Variants in ULK4 observed in about 807,000 individuals in gnomAD.
ULK4 encodes inactive serine/threonine-protein kinase ULK4.
In ULK4, 133 loss-of-function variants were observed where a neutral mutation model predicts 160.6. The ratio of observed to expected loss-of-function variants is 0.83; its 90% CI spans 0.72 to 0.96. The LOEUF (loss-of-function observed/expected upper bound fraction) is 0.96. ULK4 is among the 40% of genes least tolerant of loss of function. ULK4 has a pLI of 0.00. For synonymous variants in ULK4, 534 were observed against 539.8 expected, an observed-to-expected ratio of 0.99 and a Z score of 0.15; for missense variants, 1,580 against 1,499.5, an observed-to-expected ratio of 1.05 and a Z score of -0.89.
chr3:41,864,915 A>C (rs1008504063), intron 17 of ULK4, among the ~76,000 whole-genome samples: 1 of 151,936 alleles, frequency 6.6e-6, no homozygotes, highest in East Asian at 1.9e-4. Context: ...GATTCCCCCC[A>C]GGATTAATCT....
chr3:41,366,076 A>G (rs1392830827), intron 35 of ULK4, among the ~76,000 whole-genome samples: 1 of 152,200 alleles, frequency 6.6e-6, no homozygotes, highest in Non-Finnish European at 1.5e-5. Flanking sequence ...AAACCAGGCT[A>G]ATAATGGCAC....
intron 31 of ULK4, among the ~76,000 whole-genome samples, chr3:41,609,644 C>CAGGA (rs1340821388): frequency 2.6e-5 from 4 of 152,156 alleles, no homozygotes; most frequent in African/African-American, 9.7e-5. Context: ...TTAAAAGTAT[C>CAGGA]TTCCTAAGTC....
intron 18 of ULK4, among the ~76,000 whole-genome samples, chr3:41,830,979 T>A (rs773914822): frequency 7.9e-5 from 12 of 152,030 alleles, no homozygotes; most frequent in Middle Eastern, 3.4e-3. Context: ...TGGCACATAA[T>A]GTACATCGCA....
chr3:41,549,855 G>GA (rs1427140108), intron 32 of ULK4, among the ~76,000 whole-genome samples: 1 of 152,052 alleles, frequency 6.6e-6, no homozygotes, highest in African/African-American at 2.4e-5. Context: ...TCTCTCAGCA[G>GA]AAAGTCTAGA....
At chr3:41,777,268 A>G in intron 21 of ULK4, among the ~76,000 whole-genome samples, 1 of 93,088 alleles carries the variant, frequency 1.1e-5, no homozygotes, top group Non-Finnish European at 1.9e-5. Context: ...TGGTGGTGAT[A>G]TCCCCTTTAT....
At chr3:41,956,308 C>T (rs1340984458) in intron 1 of ULK4, among the ~76,000 whole-genome samples, 1 of 152,130 alleles carries the variant, frequency 6.6e-6, no homozygotes, top group East Asian at 1.9e-4. Flanking sequence ...CGTGAAGAGG[C>T]CAGTGGGAAA....
chr3:41,248,946 G>A (rs1052758241), intron 36 of ULK4, among the ~76,000 whole-genome samples: 4 of 152,242 alleles, frequency 2.6e-5, no homozygotes, highest in African/African-American at 9.6e-5. Context: ...CTAACCCCAT[G>A]CTGTCAGCTT....
intron 34 of ULK4, among the ~76,000 whole-genome samples, chr3:41,410,369 G>A (rs1472562145): frequency 6.6e-6 from 1 of 152,096 alleles, no homozygotes; most frequent in Admixed American, 6.6e-5. Context: ...GCACTGATCC[G>A]TGCTATAAAC....
intron 19 of ULK4, among the ~76,000 whole-genome samples, chr3:41,803,576 C>T (rs2125608916): frequency 1.3e-5 from 2 of 152,182 alleles, no homozygotes; most frequent in South Asian, 4.1e-4. Context: ...TGCTGGTGTG[C>T]TGCACCCATT....
chr3:41,787,180 G>A (rs1382097874), intron 21 of ULK4, among the ~76,000 whole-genome samples: 2 of 152,116 alleles, frequency 1.3e-5, no homozygotes, highest in Non-Finnish European at 2.9e-5. Context: ...ATGGCAAGGT[G>A]CCCCAGCATT....
At chr3:41,368,688 GTCCA>G (rs1458579194) in intron 35 of ULK4, among the ~76,000 whole-genome samples, 1 of 152,016 alleles carries the variant, frequency 6.6e-6, no homozygotes, top group African/African-American at 2.4e-5. Context: ...TGTTTCCAAG[GTCCA>G]TCCATGTTGT....
At chr3:41,346,333 T>G (rs1022060067) in intron 35 of ULK4, among the ~76,000 whole-genome samples, 1 of 152,196 alleles carries the variant, frequency 6.6e-6, no homozygotes, top group Non-Finnish European at 1.5e-5. Flanking sequence ...AGGACTTATT[T>G]TTACTTGCTT....
At chr3:41,580,436 T>G (rs1403060830) in intron 31 of ULK4, among the ~76,000 whole-genome samples, 1 of 151,890 alleles carries the variant, frequency 6.6e-6, no homozygotes, top group Non-Finnish European at 1.5e-5. Context: ...TATATTGAAA[T>G]TTGGATAGTT....
intron 11 of ULK4, 95 bp from the exon 12 acceptor site, chr3:41,908,036 T>C (rs1459490653): frequency 3.8e-6 from 3 of 780,916 alleles, no homozygotes; most frequent in Non-Finnish European, 3.7e-6. Flanking sequence ...TGAAAAATGG[T>C]AGAGTATGAT....
Position 41,454,812 on chromosome 3 carries a change from C to T in ULK4, c.3492+685G>A, listed in dbSNP as rs545314550. ...GGTTCAAGTGATTCTCCTGACTCAG[C>T]CTCCCGAGTAGCTGGAATTACAGGT... On this transcript the variant is annotated intron_variant, in intron 34 of 36. Transcript: ENST00000301831. Among the ~76,000 whole-genome samples, 6 of 152,030 alleles carry T rather than the reference C, an allele frequency of 3.9e-5. No individual in the cohort carries two copies. In the South Asian group the frequency reaches 1.2e-3, roughly 32 times the overall value.
intron 33 of ULK4, among the ~76,000 whole-genome samples, chr3:41,457,181 T>G (rs2083573450): frequency 6.6e-6 from 1 of 152,152 alleles, no homozygotes; most frequent in South Asian, 2.1e-4. Context: ...CAGATTGATT[T>G]CTTCCTGGGA....
At position 41,375,891 on chromosome 3, in the gene ULK4, A is replaced by G. The variant is rs1559553755; in HGVS notation, c.3678+22188T>C. On this transcript the variant is annotated intron_variant, in intron 35 of 36. Coordinates refer to ENST00000301831, the MANE Select transcript of ULK4 (RefSeq NM_017886.4). Reference sequence around the variant, plus strand: ...TTTTTCCAATCTATCCATCTGACAAAGGGCTAATATCCAGAATCTACAAGG... The same window carrying G: ...TTTTTCCAATCTATCCATCTGACAAGGGGCTAATATCCAGAATCTACAAGG... 2.7e-5 allele frequency among the ~76,000 whole-genome samples: 4 copies of G among 150,250 alleles called. 1 individual carries two copies. The highest frequency in any genetic ancestry group is 2.6e-4 in the Admixed American group (4 of 15,142).
rs773177564 is a variant in ULK4, at chr3:41,789,838, C to T, written c.2016G>A (p.Leu672=). Residue 672 remains leucine, a synonymous_variant, in exon 21 of 37, where the codon TTG becomes TTA. Coordinates refer to ENST00000301831, the MANE Select transcript of ULK4 (RefSeq NM_017886.4). ...TAGGAGAATGGCGAGTGATTCTACA[C>T]AAGGCCTACAAAGACAAGAGAACAG... ...DSLRITAVSA[L]CRITRHSPTA... The T allele has an allele frequency of 1.8e-4, 295 of 1,604,202 alleles. 1 individual carries two copies. The highest frequency in any genetic ancestry group is 2.5e-4 in the Non-Finnish European group (290 of 1,175,766).
chr3:41,810,251 T>C (rs2040780210), intron 19 of ULK4, among the ~76,000 whole-genome samples: 1 of 152,226 alleles, frequency 6.6e-6, no homozygotes, highest in Non-Finnish European at 1.5e-5. Context: ...GTGTCATTAT[T>C]AAATCATTTA....
Sources: gnomAD v4.1 joint callset for allele counts (sites outside exome capture counted in the v4.1 genomes callset) on GRCh38, gnomAD v4.1.1 for gene constraint, MANE v1.5 for transcripts, NCBI Gene and HGNC (gene_info 2026-07-23, HGNC 2026-07-21) for gene names.